The following LRBA variants were observed in gnomAD, a reference collection of about 807,000 sequenced individuals.
LRBA encodes the protein lipopolysaccharide-responsive and beige-like anchor protein.
A neutral mutation model predicts 330.0 loss-of-function variants in LRBA; 176 were observed. The ratio of observed to expected loss-of-function variants is 0.53; its 90% CI spans 0.47 to 0.60. LRBA has a LOEUF of 0.60. Ranked by LOEUF, LRBA falls within the 20% of genes least tolerant of loss-of-function variation. LRBA has a pLI of 0.00. For missense variants in LRBA, 3,259 were observed against 3,444.8 expected, an observed-to-expected ratio of 0.95 and a Z score of 1.35; for synonymous variants, 1,230 against 1,193.0, an observed-to-expected ratio of 1.03 and a Z score of -0.64.
rs1428956205 is a variant in LRBA, at chr4:150,936,505, C to A, written c.217-7440G>T. Among the ~76,000 whole-genome samples the A allele has an allele frequency of 2.6e-5, 4 of 151,802 alleles. No homozygotes were observed. In the East Asian group the frequency reaches 7.7e-4, roughly 29 times the overall value. ...GAATCTTCAGACACAAGAAAACCTTCTTGTGGAAAAGAATTGCAGTGATTC... is the reference window on the plus strand; with the variant it reads ...GAATCTTCAGACACAAGAAAACCTTATTGTGGAAAAGAATTGCAGTGATTC... On this transcript the variant is annotated intron_variant, in intron 2 of 56. Transcript: ENST00000651943.
intron 40 of LRBA, chr4:150,581,353 A>G (rs1771303168): frequency 4.5e-6 from 2 of 444,664 alleles, no homozygotes; most frequent in Non-Finnish European, 9.0e-6. Context: ...GTGCACATAT[A>G]CAGCAACTGC....
chr4:150,492,596 T>C (rs1759100683), intron 40 of LRBA, among the ~76,000 whole-genome samples: 1 of 152,170 alleles, frequency 6.6e-6, no homozygotes, highest in Non-Finnish European at 1.5e-5. Flanking sequence ...AAGTCTACCA[T>C]GACCAGAGGA....
chr4:150,898,467 T>C (rs1311837466), intron 14 of LRBA, among the ~76,000 whole-genome samples: 1 of 152,100 alleles, frequency 6.6e-6, no homozygotes, highest in Non-Finnish European at 1.5e-5. Context: ...CAAACACTCA[T>C]TGTTCTAAGA....
intron 19 of LRBA, 95 bp downstream of exon 19, chr4:150,871,249 TA>T: frequency 1.4e-6 from 1 of 700,026 alleles, no homozygotes; most frequent in Non-Finnish European, 2.5e-6. Flanking sequence ...TCTCAAAAAA[TA>T]AAATAAAAAT....
chr4:150,696,215 T>G (rs879547600), intron 36 of LRBA, among the ~76,000 whole-genome samples: 11 of 151,990 alleles, frequency 7.2e-5, no homozygotes, highest in Non-Finnish European at 1.2e-4. Flanking sequence ...TGTGAGAGAG[T>G]GAGACCCTGT....
At chr4:150,797,297 T>A (rs1378946573) in intron 34 of LRBA, among the ~76,000 whole-genome samples, 1 of 151,656 alleles carries the variant, frequency 6.6e-6, no homozygotes, top group East Asian at 1.9e-4. Context: ...AGGTCAAAGG[T>A]TTTGAAATGG....
intron 17 of LRBA, among the ~76,000 whole-genome samples, chr4:150,875,404 C>T (rs1753898865): frequency 6.6e-6 from 1 of 152,146 alleles, no homozygotes; most frequent in Non-Finnish European, 1.5e-5. Context: ...TTTTTTGTGC[C>T]CTTCTCCAGA....
At chr4:150,896,723 T>C (rs762448639) in intron 15 of LRBA, among the ~76,000 whole-genome samples, 125 of 151,918 alleles carry the variant, frequency 8.2e-4, no homozygotes, top group Non-Finnish European at 1.5e-3. Flanking sequence ...AATCCTGAAG[T>C]CAGCAAAAAT....
intron 37 of LRBA, among the ~76,000 whole-genome samples, chr4:150,673,579 T>G (rs1782264363): frequency 6.6e-6 from 1 of 152,196 alleles, no homozygotes; most frequent in Non-Finnish European, 1.5e-5. Context: ...TTCAGTACAT[T>G]TGCTTTATCA....
In LRBA at chr4:150,321,384, C is replaced by T. The variant is rs1261837546; in HGVS notation, c.7453-16G>A. ...TCAATGGACTCTGCAGGAGGAGATA[C>T]TGTTGAGTGGGCATGACAAGACCCA... On this transcript the variant is annotated splice_polypyrimidine_tract_variant and intron_variant, in intron 49 of 56. Coordinates refer to ENST00000651943, the MANE Select transcript of LRBA (RefSeq NM_001364905.1). The surrounding 1 kb of genome is among the most constrained non-coding windows in gnomAD (Gnocchi z 4.5). The T allele has an allele frequency of 6.4e-7, 1 of 1,559,886 alleles. No homozygotes were observed. The highest frequency in any genetic ancestry group is 2.2e-5 in the Admixed American group (1 of 46,396).
intron 36 of LRBA, among the ~76,000 whole-genome samples, chr4:150,728,460 A>G (rs915417777): frequency 2.0e-5 from 3 of 152,158 alleles, no homozygotes; most frequent in Admixed American, 6.5e-5. Context: ...AATACTAGCA[A>G]GCTGAATTTA....
At chr4:150,760,579 G>A (rs963284896) in intron 35 of LRBA, among the ~76,000 whole-genome samples, 12 of 147,214 alleles carry the variant, frequency 8.2e-5, no homozygotes, top group African/African-American at 2.8e-4. Context: ...ACACACACAC[G>A]AATATCCTGT....
At chr4:150,923,826 C>T (rs1733594062) in intron 4 of LRBA, among the ~76,000 whole-genome samples, 1 of 152,106 alleles carries the variant, frequency 6.6e-6, no homozygotes, top group African/African-American at 2.4e-5. Flanking sequence ...ATTGGTTTGC[C>T]TTCATCTTAT....
At chr4:150,989,423 G>A (rs1741823836) in intron 2 of LRBA, among the ~76,000 whole-genome samples, 1 of 151,512 alleles carries the variant, frequency 6.6e-6, no homozygotes, top group Admixed American at 6.6e-5. Flanking sequence ...GACCAGCCTG[G>A]CCAATATGGT....
chr4:150,607,670 G>A (rs946449775), intron 37 of LRBA, among the ~76,000 whole-genome samples: 1 of 152,044 alleles, frequency 6.6e-6, no homozygotes, highest in Non-Finnish European at 1.5e-5. Context: ...GGGAGGCTGA[G>A]ACAGGTGGAT....
At chr4:150,704,665 T>C (rs999205081) in intron 36 of LRBA, among the ~76,000 whole-genome samples, 1 of 152,084 alleles carries the variant, frequency 6.6e-6, no homozygotes, top group African/African-American at 2.4e-5. Flanking sequence ...CACAATGAAA[T>C]AAATTACAAA....
intron 37 of LRBA, among the ~76,000 whole-genome samples, chr4:150,671,288 GTA>G (rs1561497767): frequency 6.6e-6 from 1 of 152,000 alleles, no homozygotes; most frequent in South Asian, 2.1e-4. Flanking sequence ...CATTTACATG[GTA>G]TATGTCAGAC....
chr4:150,478,828 A>T (rs372762199), intron 42 of LRBA, among the ~76,000 whole-genome samples: 16 of 152,114 alleles, frequency 1.1e-4, no homozygotes, highest in African/African-American at 3.6e-4. Flanking sequence ...TCTACTAATC[A>T]CTACTACAAC....
At chr4:150,372,350 C>T (rs1311069014) in intron 47 of LRBA, among the ~76,000 whole-genome samples, 1 of 151,834 alleles carries the variant, frequency 6.6e-6, no homozygotes, top group Non-Finnish European at 1.5e-5. Flanking sequence ...TGACGCATGC[C>T]TGTAATCCCA....
Sources: allele counts gnomAD v4.1 joint callset (sites outside exome capture counted in the v4.1 genomes callset), GRCh38; gene constraint gnomAD v4.1.1; non-coding constraint Gnocchi (gnomAD v3.1); transcripts MANE v1.5; gene names NCBI Gene and HGNC (gene_info 2026-07-23, HGNC 2026-07-21).